MAGI1: variants seen among roughly 807,000 people sequenced by gnomAD.
MAGI1 encodes membrane associated guanylate kinase, WW and PDZ domain containing 1.
MAGI1 carries 58 observed loss-of-function variants against 139.9 expected under a neutral mutation model. The ratio of observed to expected loss-of-function variants is 0.41; its 90% CI spans 0.34 to 0.52. The LOEUF is 0.52. MAGI1 is among the 20% of genes least tolerant of loss of function. The pLI, the probability that MAGI1 is intolerant of heterozygous loss-of-function variation, is 0.12. For synonymous variants in MAGI1, 812 were observed against 737.9 expected, an observed-to-expected ratio of 1.10 and a Z score of -1.63; for missense variants, 1,874 against 1,901.6, an observed-to-expected ratio of 0.99 and a Z score of 0.27.
intron 1 of MAGI1, among the ~76,000 whole-genome samples, chr3:65,702,037 G>C (rs1291369804): frequency 6.6e-6 from 1 of 151,914 alleles, no homozygotes; most frequent in Non-Finnish European, 1.5e-5. Context: ...TGGCCCTTAG[G>C]AAATCTACCC....
chr3:65,554,436 T>C (rs1212789088), intron 2 of MAGI1, among the ~76,000 whole-genome samples: 1 of 152,106 alleles, frequency 6.6e-6, no homozygotes, highest in Non-Finnish European at 1.5e-5. Context: ...GGGTTGAGCA[T>C]AAACCAAGAA....
intron 1 of MAGI1, among the ~76,000 whole-genome samples, chr3:65,627,231 C>A (rs1380569512): frequency 6.6e-6 from 1 of 152,090 alleles, no homozygotes; most frequent in Non-Finnish European, 1.5e-5. Flanking sequence ...CGGGCTATAC[C>A]ATACAGCCTA....
chr3:65,892,963 G>A (rs1256043167), intron 1 of MAGI1, among the ~76,000 whole-genome samples: 1 of 152,156 alleles, frequency 6.6e-6, no homozygotes, highest in East Asian at 1.9e-4. Flanking sequence ...CTTTTAGCCT[G>A]AAAGTAAAAC....
intron 18 of MAGI1, among the ~76,000 whole-genome samples, chr3:65,367,700 C>G (rs1243634887): frequency 6.6e-6 from 1 of 152,158 alleles, no homozygotes; most frequent in African/African-American, 2.4e-5. Context: ...TAAGGTCACT[C>G]AGGCAGCAGG....
chr3:65,552,441 G>A (rs554194376), intron 2 of MAGI1, among the ~76,000 whole-genome samples: 117 of 152,280 alleles, frequency 7.7e-4, no homozygotes, highest in Non-Finnish European at 1.4e-3. Context: ...TAATACAGGG[G>A]TAAAAGAGTG....
chr3:65,393,311 G>T (rs532079778), intron 13 of MAGI1, among the ~76,000 whole-genome samples: 1 of 152,190 alleles, frequency 6.6e-6, no homozygotes, highest in African/African-American at 2.4e-5. Flanking sequence ...AAACAACCAT[G>T]TACAGTATCA....
chr3:65,567,467 C>T (rs1333612500), intron 2 of MAGI1, among the ~76,000 whole-genome samples: 1 of 152,094 alleles, frequency 6.6e-6, no homozygotes, highest in Admixed American at 6.6e-5. Context: ...AAAAAAAGTC[C>T]TACTACGGAA....
chr3:65,827,177 G>C (rs1209391037), intron 1 of MAGI1, among the ~76,000 whole-genome samples: 4 of 152,150 alleles, frequency 2.6e-5, no homozygotes, highest in Non-Finnish European at 4.4e-5. Flanking sequence ...AACTATCTGG[G>C]TAGCTCTCCT....
intron 2 of MAGI1, among the ~76,000 whole-genome samples, chr3:65,584,208 T>C (rs1230879919): frequency 2.0e-5 from 3 of 152,038 alleles, no homozygotes; most frequent in African/African-American, 7.2e-5. Context: ...TTCTGACAGC[T>C]GACTCAGCAG....
At chr3:65,673,613 T>C (rs1000742031) in intron 1 of MAGI1, among the ~76,000 whole-genome samples, 13 of 152,294 alleles carry the variant, frequency 8.5e-5, no homozygotes, top group African/African-American at 1.4e-4. Flanking sequence ...AGTTTCGTTA[T>C]CTGTGAGGTA....
At chr3:65,696,181 C>T (rs1434280881) in intron 1 of MAGI1, among the ~76,000 whole-genome samples, 10 of 152,138 alleles carry the variant, frequency 6.6e-5, no homozygotes, top group African/African-American at 2.4e-4. Context: ...CATCCCCCTT[C>T]CCTAACTTTC....
rs144447682 is a variant in MAGI1 at position 65,813,420 on chromosome 3, T to C, written c.314-191332A>G. On this transcript the variant is annotated intron_variant, in intron 1 of 22. Transcript: ENST00000402939. Reference sequence around the variant, plus strand: ...AGAAAACAAGGAAATAGGAAGGAGATGCGAATTATGAAAAAAAATGACCAT... The same window carrying C: ...AGAAAACAAGGAAATAGGAAGGAGACGCGAATTATGAAAAAAAATGACCAT... Among the ~76,000 whole-genome samples the C allele has an allele frequency of 1.8e-3, 280 of 152,138 alleles. 1 individual carries two copies. Among genetic ancestry groups the C allele is most frequent in the African/African-American group, 6.5e-3 (268 of 41,528 alleles).
At chr3:66,006,475 A>G (rs564315811) in intron 1 of MAGI1, among the ~76,000 whole-genome samples, 7 of 152,206 alleles carry the variant, frequency 4.6e-5, no homozygotes, top group Non-Finnish European at 1.0e-4. Flanking sequence ...GTAGGTATAT[A>G]TGTATATATG....
At chr3:65,592,409 A>G (rs980182874) in intron 2 of MAGI1, among the ~76,000 whole-genome samples, 2 of 152,264 alleles carry the variant, frequency 1.3e-5, no homozygotes, top group African/African-American at 4.8e-5. Context: ...AAAAACTAGA[A>G]ACATGCTAAC....
chr3:65,436,168 T>C (rs1253763546), intron 10 of MAGI1, among the ~76,000 whole-genome samples: 2 of 152,144 alleles, frequency 1.3e-5, no homozygotes, highest in African/African-American at 4.8e-5. Flanking sequence ...AGAGAAACAA[T>C]TTCTTTCTTA....
At chr3:65,689,061 T>C (rs1336027745) in intron 1 of MAGI1, among the ~76,000 whole-genome samples, 1 of 152,202 alleles carries the variant, frequency 6.6e-6, no homozygotes, top group African/African-American at 2.4e-5. Context: ...GTTAAGTCAC[T>C]AAAATGTGGC....
chr3:65,753,487 G>A (rs541978011), intron 1 of MAGI1, among the ~76,000 whole-genome samples: 14 of 152,056 alleles, frequency 9.2e-5, no homozygotes, highest in Admixed American at 2.6e-4. Flanking sequence ...TTGGGAGGCC[G>A]AGGCGGGAGG....
intron 1 of MAGI1, among the ~76,000 whole-genome samples, chr3:65,700,869 A>C (rs565546232): frequency 2.8e-4 from 43 of 152,176 alleles, no homozygotes; most frequent in Non-Finnish European, 5.0e-4. Flanking sequence ...ATTAAGTGCA[A>C]ATGTGAGTAC....
chr3:66,017,547 C>T (rs1448739313), intron 1 of MAGI1, among the ~76,000 whole-genome samples: 2 of 152,188 alleles, frequency 1.3e-5, no homozygotes, highest in Non-Finnish European at 2.9e-5. Flanking sequence ...GGAAACCCAC[C>T]GCTGTCACCT....
Sources: gnomAD v4.1 joint callset for allele counts (sites outside exome capture counted in the v4.1 genomes callset) on GRCh38, gnomAD v4.1.1 for gene constraint, MANE v1.5 for transcripts, NCBI Gene and HGNC (gene_info 2026-07-23, HGNC 2026-07-21) for gene names.